Variants in NPC1L1 observed in about 807,000 individuals in gnomAD.
NPC1L1 encodes the protein NPC1-like intracellular cholesterol transporter 1.
NPC1L1 carries 98 observed loss-of-function variants against 117.0 expected under a neutral mutation model. The ratio of observed to expected loss-of-function variants is 0.84; its 90% CI spans 0.71 to 0.99. The LOEUF (loss-of-function observed/expected upper bound fraction) is 0.99. NPC1L1 is among the 50% of genes least tolerant of loss of function. NPC1L1 has a pLI of 0.00. For synonymous variants in NPC1L1, 729 were observed against 727.6 expected (o/e 1.00, Z -0.03); for missense variants, 1,540 against 1,710.0 (o/e 0.90, Z 1.75).
In NPC1L1 at chr7:44,513,439, T is replaced by C. The variant is rs200195472; in HGVS notation, c.*8A>G. 7.2e-4 allele frequency: 1,164 copies of C among 1,613,932 alleles called. 1 individual carries two copies. The highest frequency in any genetic ancestry group is 9.6e-4 in the Non-Finnish European group (1,134 of 1,179,822). ...GGCCATAGAGCCTAGACAGGGCCTC[T>C]GGCTGTATCAGAACTGCCGCCCATT... On this transcript the variant is annotated 3_prime_UTR_variant, in exon 19 of 19. Coordinates refer to ENST00000381160, the MANE Select transcript of NPC1L1 (RefSeq NM_001101648.2).
chr7:44,525,303 G>A (rs1004112914), intron 10 of NPC1L1, among the ~76,000 whole-genome samples: 11 of 152,252 alleles, frequency 7.2e-5, no homozygotes, highest in African/African-American at 2.6e-4. Context: ...CTGTTGCCAG[G>A]CTGGAGTGCA....
At chr7:44,535,722 T>A in intron 5 of NPC1L1, 118 bp downstream of exon 5, 1 of 1,424,538 alleles carries the variant, frequency 7.0e-7, no homozygotes, top group East Asian at 2.3e-5. Context: ...GGGCAGCCAC[T>A]TGGGTGTGTC....
At position 44,535,948 on chromosome 7, in the gene NPC1L1, G is replaced by A; in HGVS notation, c.1875C>T (p.Ile625=). 6.2e-7 allele frequency: 1 copy of A among 1,613,292 alleles called. No individual in the cohort carries two copies. Among genetic ancestry groups the A allele is most frequent in the Non-Finnish European group, 8.5e-7 (1 of 1,180,030 alleles). ...GCAGGTCTTCAGCTGTGGTGCGATT[G>A]ATCTCGTCTTCCAGAGAGCGCTGTG... ...FMAERSLEDE[I]NRTTAEDLPI... The change falls in exon 5 of 19, where the codon ATC becomes ATT. Residue 625 remains isoleucine (I), a synonymous_variant. Coordinates refer to ENST00000381160, the MANE Select transcript of NPC1L1 (RefSeq NM_001101648.2).
chr7:44,540,466 TG>T, intron 1 of NPC1L1, 124 bp from the exon 2 acceptor site: 1 of 862,746 alleles, frequency 1.2e-6, no homozygotes, highest in Non-Finnish European at 1.9e-6. Context: ...GCGGGGAGTG[TG>T]GGGAGTAGGA....
At chr7:44,531,294 C>T (rs1307695226) in intron 10 of NPC1L1, among the ~76,000 whole-genome samples, 1 of 152,260 alleles carries the variant, frequency 6.6e-6, no homozygotes, top group African/African-American at 2.4e-5. Flanking sequence ...CCAGGAAACA[C>T]ACCTGGGCTC....
At chr7:44,537,814 C>T (rs1374705919) in intron 2 of NPC1L1, among the ~76,000 whole-genome samples, 8 of 152,212 alleles carry the variant, frequency 5.3e-5, no homozygotes, top group Non-Finnish European at 1.2e-4. Flanking sequence ...TGAGGTCAGA[C>T]CATGATGCCT....
In NPC1L1 at chr7:44,513,546, G is replaced by A. The variant is rs1472265911; in HGVS notation, c.3900C>T (p.Ser1300=). Residue 1300 remains serine, a synonymous_variant, in exon 19 of 19, where the codon TCC becomes TCT. Coordinates refer to ENST00000381160, the MANE Select transcript of NPC1L1 (RefSeq NM_001101648.2). The stretch of plus-strand genomic sequence containing the variant: ...GGTTGACATAGATGTTGTCAGCTGT[G>A]GAGACTCGGGAGGGGTGATTTGGGC... ...ASCPNHPSRV[S]TADNIYVNHS... 3 of 1,614,066 alleles carry A rather than the reference G, an allele frequency of 1.9e-6. No homozygotes were observed. The highest frequency in any genetic ancestry group is 2.5e-6 in the Non-Finnish European group (3 of 1,180,030).
rs748191917 is a variant in NPC1L1, at chr7:44,521,017, G to A, written c.3055C>T (p.Arg1019Trp). 31 of 1,614,062 alleles carry A rather than the reference G, an allele frequency of 1.9e-5. No homozygotes were observed. The highest frequency in any genetic ancestry group is 1.6e-4 in the Middle Eastern group (1 of 6,084). ...HKYLPWFLND[R>W]PNIKCPKGGL... ...CCTTTGGGACATTTGATGTTGGGCC[G>A]GTCGTTCAGGAACCAGGGAAGATAC... The change falls in exon 13 of 19, where the codon CGG (arginine) becomes TGG (tryptophan). Residue 1019 changes from arginine (R) to tryptophan (W), a missense_variant. By Grantham distance (101) the Arg-to-Trp change is moderately radical. Around this residue, in one of 3 missense-constraint regions of NPC1L1, gnomAD observed 742 missense variants for 873.6 expected, o/e 0.85. Coordinates refer to ENST00000381160, the MANE Select transcript of NPC1L1 (RefSeq NM_001101648.2).
chr7:44,514,800 G>T (rs1404664145), intron 18 of NPC1L1, among the ~76,000 whole-genome samples: 1 of 152,040 alleles, frequency 6.6e-6, no homozygotes, highest in African/African-American at 2.4e-5. Flanking sequence ...TCAGGAGTTC[G>T]AGACCAGCCT....
At position 44,538,722 on chromosome 7, in the gene NPC1L1, G is replaced by T; in HGVS notation, c.1580+95C>A. ...AGGAATAGCTACCTCTGGTCCTTCA[G>T]GACCAGCTGTATGCCCGGCCAGGTT... On this transcript the variant is annotated intron_variant, in intron 2 of 18. Coordinates refer to ENST00000381160, the MANE Select transcript of NPC1L1 (RefSeq NM_001101648.2). This position sits in a 1 kb window ranked among gnomAD's most constrained non-coding sequence, Gnocchi z 5.9. The T allele has an allele frequency of 2.4e-6, 3 of 1,272,368 alleles. No homozygotes were observed. The highest frequency in any genetic ancestry group is 1.2e-5 in the South Asian group (1 of 84,018). 78.8% of individuals were successfully genotyped at this position (1,272,368 alleles called of 1,614,324 possible). A position where few individuals can be genotyped will look rare whatever the true frequency, so the allele number is the denominator to read the frequency against.
intron 2 of NPC1L1, among the ~76,000 whole-genome samples, chr7:44,537,851 G>C (rs189688329): frequency 3.3e-5 from 5 of 152,166 alleles, no homozygotes; most frequent in Admixed American, 2.0e-4. Context: ...GGCTCCTCTC[G>C]TTCCTGCTAT....
At position 44,521,152 on chromosome 7, in the gene NPC1L1, C is replaced by A. The variant is rs144066034; in HGVS notation, c.2954-34G>T. The A allele has an allele frequency of 2.4e-5, 39 of 1,613,528 alleles. No homozygotes were observed. In the East Asian group the frequency reaches 7.6e-4, roughly 31 times the overall value. The stretch of plus-strand genomic sequence containing the variant: ...AAAGCAGGGGTCTGGGCAGTGACAC[C>A]CCAGGGCCAGCAGCTCCTGCTTTGT... On this transcript the variant is annotated intron_variant, in intron 12 of 18. Coordinates refer to ENST00000381160, the MANE Select transcript of NPC1L1 (RefSeq NM_001101648.2).
rs371019585 is a variant in NPC1L1 at position 44,517,070 on chromosome 7, C to G, written c.3288-136G>C. On this transcript the variant is annotated intron_variant, in intron 15 of 18. Transcript: ENST00000381160. ...GGTACAAACCAGCCTAAGAAATAGG[C>G]CCAAGGCTGCAGCCAGAGCCTCCTG... 127 of 1,443,168 alleles carry G rather than the reference C, an allele frequency of 8.8e-5. 1 individual carries two copies. In the African/African-American group the frequency reaches 1.6e-3, roughly 18 times the overall value. The allele number at this position is 1,443,168 out of a possible 1,614,324, so 89.4% of individuals were successfully genotyped here. A position where few individuals can be genotyped will look rare whatever the true frequency, so the allele number is the denominator to read the frequency against.
chr7:44,518,404 A>T (rs1328492598), intron 14 of NPC1L1, among the ~76,000 whole-genome samples: 1 of 151,972 alleles, frequency 6.6e-6, no homozygotes, highest in Non-Finnish European at 1.5e-5. Flanking sequence ...TCCTGACCTC[A>T]AGTGATTCGC....
chr7:44,536,898 C>A lies in NPC1L1; in HGVS notation c.1625G>T (p.Cys542Phe), dbSNP rs1215991514. The A allele has an allele frequency of 1.2e-6, 2 of 1,614,086 alleles. No individual in the cohort carries two copies. The highest frequency in any genetic ancestry group is 1.1e-5 in the South Asian group (1 of 91,072). The change falls in exon 3 of 19, where the codon TGC becomes TTC. Residue 542 changes from cysteine to phenylalanine, a missense_variant. Transcript: ENST00000381160. The surrounding 1 kb of genome is among the most constrained non-coding windows in gnomAD (Gnocchi z 4.7). ...FKDGTALALS[C>F]MADYGAPVFP... is the part of the protein sequence containing the mutation. ...GACAGGGGCCCCGTAGTCAGCCATGCAGCTCAGGGCCAGGGCTGTGCCATC... is the reference window on the plus strand; with the variant it reads ...GACAGGGGCCCCGTAGTCAGCCATGAAGCTCAGGGCCAGGGCTGTGCCATC...
chr7:44,539,405 A>G lies in NPC1L1; in HGVS notation c.992T>C (p.Phe331Ser). The change falls in exon 2 of 19, where the codon TTC becomes TCC. Residue 331 changes from phenylalanine to serine, a missense_variant. This residue lies in a region of NPC1L1 where 793 missense variants were observed against 820.4 expected (regional missense o/e 0.97). Coordinates refer to ENST00000381160, the MANE Select transcript of NPC1L1 (RefSeq NM_001101648.2). The surrounding 1 kb of genome is among the most constrained non-coding windows in gnomAD (Gnocchi z 4.4). ...KGTSLSDKLS[F>S]STHTLLGQFF... ...CTGGCCAAGGAGGGTGTGGGTGGAGAAGCTGAGCTTGTCAGAGAGGCTGGT... is the reference window on the plus strand; with the variant it reads ...CTGGCCAAGGAGGGTGTGGGTGGAGGAGCTGAGCTTGTCAGAGAGGCTGGT... 1 of 1,613,946 alleles carries G rather than the reference A, an allele frequency of 6.2e-7. No homozygotes were observed. Among genetic ancestry groups the G allele is most frequent in the Non-Finnish European group, 8.5e-7 (1 of 1,179,950 alleles).
chr7:44,536,333 C>T lies in NPC1L1; in HGVS notation c.1777G>A (p.Glu593Lys). 1 of 1,614,258 alleles carries T rather than the reference C, an allele frequency of 6.2e-7. No homozygotes were observed. Among genetic ancestry groups the T allele is most frequent in the Admixed American group, 1.7e-5 (1 of 60,034 alleles). The change falls in exon 4 of 19, where the codon GAG becomes AAG. Residue 593 changes from glutamate (E) to lysine (K), a missense_variant. Physicochemically the swap from Glu to Lys is moderately conservative, Grantham distance 56. Coordinates refer to ENST00000381160, the MANE Select transcript of NPC1L1 (RefSeq NM_001101648.2). The surrounding 1 kb of genome is among the most constrained non-coding windows in gnomAD (Gnocchi z 4.7). ...CGCATTTCCTCTAAGAAGGCCTCCT[C>T]CCACAGCTTGGCCTGGGCCAGACGG... ...DPRLAQAKLW[E>K]EAFLEEMRAF...
Position 44,521,768 on chromosome 7 carries a change from CAGG to C in NPC1L1, c.2894_2896del (p.Ser965del). The C allele has an allele frequency of 6.2e-7, 1 of 1,614,162 alleles. No homozygotes were observed. Among genetic ancestry groups the C allele is most frequent in the African/African-American group, 1.3e-5 (1 of 75,048 alleles). ...GGGGCCAGATATATAAAGGCGGCAG[CAGG>C]AGGACGGGGTCAGCCAGTCAATGAA... On this transcript the variant is annotated inframe_deletion, in exon 12 of 19. Coordinates refer to ENST00000381160, the MANE Select transcript of NPC1L1 (RefSeq NM_001101648.2).
intron 10 of NPC1L1, 96 bp downstream of exon 10, chr7:44,531,659 C>A: frequency 9.3e-7 from 1 of 1,072,336 alleles, no homozygotes; most frequent in Middle Eastern, 2.9e-4. Context: ...TCTGGCCAAG[C>A]CCCTGGCCGG....
Sources: allele counts gnomAD v4.1 joint callset (sites outside exome capture counted in the v4.1 genomes callset), GRCh38; gene constraint gnomAD v4.1.1; regional missense constraint gnomAD v4.1.1; non-coding constraint Gnocchi (gnomAD v3.1); transcripts MANE v1.5; gene names NCBI Gene and HGNC (gene_info 2026-07-23, HGNC 2026-07-21).